Variants in BRWD3 observed in about 807,000 individuals in gnomAD.
BRWD3 encodes bromodomain and WD repeat-containing protein 3.
A neutral mutation model predicts 149.7 loss-of-function variants in BRWD3; 10 were observed. That is an observed-to-expected ratio of 0.07 (90% confidence interval 0.04 to 0.11). The LOEUF (loss-of-function observed/expected upper bound fraction) is 0.11. BRWD3 is among the 10% of genes least tolerant of loss of function. BRWD3 has a pLI of 1.00. For missense variants in BRWD3, 940 were observed against 1,373.2 expected (o/e 0.68, Z 4.99); for synonymous variants, 504 against 456.7 (o/e 1.10, Z -1.32).
intron 20 of BRWD3, among the ~76,000 whole-genome samples, chrX:80,713,711 C>T (rs1478777200): frequency 8.9e-6 from 1 of 111,787 alleles, no homozygotes; most frequent in South Asian, 3.7e-4. Context: ...ATAAAAAAAA[C>T]AAATAATAAA....
intron 6 of BRWD3, among the ~76,000 whole-genome samples, chrX:80,778,943 C>T (rs1478385074): frequency 2.7e-5 from 3 of 111,368 alleles, no homozygotes; most frequent in Non-Finnish European, 5.7e-5. Context: ...AGTTTGCAGT[C>T]AGCCAAGATG....
At chrX:80,712,940 C>T in intron 20 of BRWD3, among the ~76,000 whole-genome samples, 1 of 107,593 alleles carries the variant, frequency 9.3e-6, no homozygotes, top group East Asian at 3.0e-4. Flanking sequence ...AAGTGAGGAG[C>T]TCCTCCGCCC....
chrX:80,784,068 AAATAT>A (rs772639231), intron 6 of BRWD3, among the ~76,000 whole-genome samples: 10 of 111,832 alleles, frequency 8.9e-5, no homozygotes, highest in African/African-American at 3.2e-4. Context: ...AAATAACTAA[AAATAT>A]AATTGGAATG....
At chrX:80,680,969 C>CTTTTTT (rs904634410) in intron 40 of BRWD3, among the ~76,000 whole-genome samples, 1 of 74,761 alleles carries the variant, frequency 1.3e-5, no homozygotes, top group African/African-American at 5.1e-5. Flanking sequence ...CATGTGGCTA[C>CTTTTTT]TTTTTTTTTT....
In BRWD3 at chrX:80,681,981, C is replaced by T. The variant is rs1421177221; in HGVS notation, c.4495+16G>A. The T allele has an allele frequency of 1.7e-6, 2 of 1,168,071 alleles. No homozygotes were observed. Among genetic ancestry groups the T allele is most frequent in the African/African-American group, 3.6e-5 (2 of 56,235 alleles). On this transcript the variant is annotated intron_variant, in intron 39 of 40. Coordinates refer to ENST00000373275, the MANE Select transcript of BRWD3 (RefSeq NM_153252.5). ...AAACCGAGATGCAGAACACCAAAAA[C>T]AAAAGACATATTTACCAGGAGATGA...
chrX:80,694,363 G>C (rs1469711813), intron 27 of BRWD3, among the ~76,000 whole-genome samples: 1 of 112,171 alleles, frequency 8.9e-6, no homozygotes, highest in Non-Finnish European at 1.9e-5. Context: ...CAGTGCAGAA[G>C]GGAAATTTGG....
At chrX:80,762,535 T>A (rs1296215863) in intron 6 of BRWD3, among the ~76,000 whole-genome samples, 2 of 106,364 alleles carry the variant, frequency 1.9e-5, no homozygotes, top group Non-Finnish European at 3.9e-5. Context: ...GCCTACTTAA[T>A]AGCAGGAGAT....
chrX:80,797,496 T>G (rs2074250445), intron 4 of BRWD3, among the ~76,000 whole-genome samples: 1 of 111,967 alleles, frequency 8.9e-6, no homozygotes, highest in South Asian at 3.7e-4. Context: ...AAAGAAAATT[T>G]GTTGGAGTTA....
intron 5 of BRWD3, among the ~76,000 whole-genome samples, chrX:80,792,954 G>A (rs997305189): frequency 5.5e-5 from 6 of 109,009 alleles, no homozygotes; most frequent in Non-Finnish European, 1.1e-4. Flanking sequence ...ACGAGGTCAA[G>A]AGATCAAGAC....
chrX:80,740,629 G>A (rs1317777439), intron 8 of BRWD3, among the ~76,000 whole-genome samples: 1 of 111,678 alleles, frequency 9.0e-6, no homozygotes, highest in Non-Finnish European at 1.9e-5. Context: ...CATGCCGGTA[G>A]TACCAGCTAC....
intron 34 of BRWD3, among the ~76,000 whole-genome samples, chrX:80,687,390 T>C (rs192963163): frequency 9.0e-6 from 1 of 111,658 alleles, no homozygotes; most frequent in Non-Finnish European, 1.9e-5. Flanking sequence ...TGATTTTTTT[T>C]CCCAGAAATC....
chrX:80,800,242 A>C (rs1275461860), intron 4 of BRWD3, among the ~76,000 whole-genome samples: 1 of 105,763 alleles, frequency 9.5e-6, no homozygotes, highest in Non-Finnish European at 1.9e-5. Flanking sequence ...CTCCTTATTA[A>C]GAAGGGCTTC....
At chrX:80,760,251 A>G (rs918129639) in intron 6 of BRWD3, among the ~76,000 whole-genome samples, 9 of 111,547 alleles carry the variant, frequency 8.1e-5, no homozygotes, top group Non-Finnish European at 1.7e-4. Flanking sequence ...TTTACCATTG[A>G]CCATAATAAA....
intron 12 of BRWD3, among the ~76,000 whole-genome samples, chrX:80,731,726 C>A (rs1480206061): frequency 1.8e-5 from 2 of 108,500 alleles, no homozygotes; most frequent in Admixed American, 2.0e-4. Flanking sequence ...AACCCCGTCT[C>A]TACTAAAAAT....
intron 6 of BRWD3, chrX:80,746,981 G>T: frequency 5.1e-6 from 1 of 196,850 alleles, no homozygotes; most frequent in Non-Finnish European, 7.7e-6. Context: ...ATGTAATACT[G>T]CAAGATGCTG....
rs1396588497 is a variant in BRWD3 at position 80,673,776 on chromosome X, G to A, written c.*2833C>T. 2.7e-5 allele frequency: 3 copies of A among 111,189 alleles called. No homozygotes were observed. The highest frequency in any genetic ancestry group is 9.8e-5 in the African/African-American group (3 of 30,661). The allele number at this position is 111,189 out of a possible 1,213,427, so 9.2% of individuals were successfully genotyped here. A position where few individuals can be genotyped will look rare whatever the true frequency, so the allele number is the denominator to read the frequency against. On this transcript the variant is annotated 3_prime_UTR_variant, in exon 41 of 41. Coordinates refer to ENST00000373275, the MANE Select transcript of BRWD3 (RefSeq NM_153252.5). ...GGTTTATACATGTATATGCTCTCAC[G>A]GGCCTAAATATAACAGTGTTTTTTC...
intron 20 of BRWD3, 97 bp from the exon 21 acceptor site, chrX:80,709,674 G>A: frequency 1.4e-6 from 1 of 727,769 alleles, no homozygotes; most frequent in Non-Finnish European, 2.0e-6. Context: ...GTAGGGGTGA[G>A]TAGGAGATGA....
intron 36 of BRWD3, among the ~76,000 whole-genome samples, chrX:80,684,547 T>C (rs1243114043): frequency 1.8e-5 from 2 of 111,836 alleles, no homozygotes; most frequent in African/African-American, 3.2e-5. Flanking sequence ...CTCTACAAAT[T>C]AGGCACATAT....
intron 8 of BRWD3, 69 bp downstream of exon 8, chrX:80,743,963 G>A (rs950418573): frequency 7.5e-6 from 7 of 927,881 alleles, no homozygotes; most frequent in Non-Finnish European, 6.2e-6. Context: ...TCTATACAAT[G>A]TAACATGAAA....
Sources: gnomAD v4.1 joint callset for allele counts (sites outside exome capture counted in the v4.1 genomes callset) on GRCh38, gnomAD v4.1.1 for gene constraint, MANE v1.5 for transcripts, NCBI Gene and HGNC (gene_info 2026-07-23, HGNC 2026-07-21) for gene names.